SNAPC2: variants seen among roughly 807,000 people sequenced by gnomAD.
SNAPC2 encodes small nuclear RNA activating complex polypeptide 2, also known as snRNA-activating protein complex subunit 2.
A neutral mutation model predicts 22.9 loss-of-function variants in SNAPC2; 27 were observed. The observed-to-expected ratio is 1.18, with a 90% CI of 0.87 to 1.63. The LOEUF (loss-of-function observed/expected upper bound fraction) is 1.63, where lower values mean the gene tolerates loss of function less well. SNAPC2 is among the 40% of genes most tolerant of loss of function. The pLI is 0.00. For synonymous variants in SNAPC2, 272 were observed against 201.0 expected (o/e 1.35, Z -2.99); for missense variants, 570 against 449.1 (o/e 1.27, Z -2.43).
Position 7,921,456 on chromosome 19 carries a change from G to T in SNAPC2, c.217G>T (p.Val73Leu), listed in dbSNP as rs756712313. The change falls in exon 2 of 5, where the codon GTA (valine) becomes TTA (leucine). Residue 73 changes from valine to leucine, a missense_variant. Coordinates refer to ENST00000221573, the MANE Select transcript of SNAPC2 (RefSeq NM_003083.4). The stretch of plus-strand genomic sequence containing the variant: ...CTTCCTCCAGCAGCTCAAGGGCCGC[G>T]TAGCCCGGGAGGCCATTCAGAAAGT... ...RVFLQQLKGR[V>L]AREAIQKVHP... 7 of 1,613,870 alleles carry T rather than the reference G, an allele frequency of 4.3e-6. No homozygotes were observed. In the South Asian group the frequency reaches 6.6e-5, roughly 15 times the overall value.
In SNAPC2 at chr19:7,922,096, C is replaced by T. The variant is rs1489093808; in HGVS notation, c.434C>T (p.Thr145Met). ...CTGCACTCCAAGCCCCCCAAGCCCA[C>T]GCAGGCCCGTGGAAAGCCTTTGCTC... ...TLLHSKPPKP[T>M]QARGKPLLLS... The change falls in exon 4 of 5, where the codon ACG (threonine) becomes ATG (methionine). Residue 145 changes from threonine to methionine, a missense_variant. Coordinates refer to ENST00000221573, the MANE Select transcript of SNAPC2 (RefSeq NM_003083.4). The T allele has an allele frequency of 9.3e-6, 15 of 1,613,904 alleles. No individual in the cohort carries two copies. Among genetic ancestry groups the T allele is most frequent in the Non-Finnish European group, 1.3e-5 (15 of 1,179,918 alleles).
chr19:7,920,595 G>C (rs1175822839), intron 1 of SNAPC2, 46 bp downstream of exon 1: 9 of 1,048,632 alleles, frequency 8.6e-6, no homozygotes, highest in Non-Finnish European at 9.0e-6. Flanking sequence ...AGGCGGGGCT[G>C]GGGTGGGGCG....
In SNAPC2 at chr19:7,922,426, C is replaced by T; in HGVS notation, c.686-19C>T. 1 of 1,581,070 alleles carries T rather than the reference C, an allele frequency of 6.3e-7. No homozygotes were observed. The highest frequency in any genetic ancestry group is 8.6e-7 in the Non-Finnish European group (1 of 1,161,590). On this transcript the variant is annotated intron_variant, in intron 4 of 4. Coordinates refer to ENST00000221573, the MANE Select transcript of SNAPC2 (RefSeq NM_003083.4). ...CAGGCAGGGGTGTCCCCTTACCCCT[C>T]TCCTCCATCCATCACTAGAGTCCGC...
chr19:7,922,859 G>A lies in SNAPC2; in HGVS notation c.*95G>A. Reference sequence around the variant, plus strand: ...GCTCTTTCTGAGGATCCCGTCATGGGGGAAGGTCCTTGAGATGATGCTCAG... The same window carrying A: ...GCTCTTTCTGAGGATCCCGTCATGGAGGAAGGTCCTTGAGATGATGCTCAG... On this transcript the variant is annotated 3_prime_UTR_variant, in exon 5 of 5. Transcript: ENST00000221573. 2 of 1,004,550 alleles carry A rather than the reference G, an allele frequency of 2.0e-6. No homozygotes were observed. The highest frequency in any genetic ancestry group is 2.9e-6 in the Non-Finnish European group (2 of 683,748). The allele number at this position is 1,004,550 out of a possible 1,614,324, so 62.2% of individuals were successfully genotyped here.
At position 7,921,780 on chromosome 19, in the gene SNAPC2, C is replaced by A. The variant is rs562827802; in HGVS notation, c.372+7C>A. On this transcript the variant is annotated splice_region_variant and intron_variant, in intron 3 of 4. Coordinates refer to ENST00000221573, the MANE Select transcript of SNAPC2 (RefSeq NM_003083.4). ...GGCAGTGGCTTTCTCGCAGGTACCG[C>A]CATTCCCCCAGGCAGGTCAGGGTGT... 1.9e-5 allele frequency: 30 copies of A among 1,611,636 alleles called. No homozygotes were observed. In the Middle Eastern group the frequency reaches 6.6e-4, roughly 35 times the overall value.
chr19:7,922,374 A>G, intron 4 of SNAPC2, 27 bp downstream of exon 4: 1 of 1,604,310 alleles, frequency 6.2e-7, no homozygotes, highest in Non-Finnish European at 8.5e-7. Flanking sequence ...AGGGGGCAGG[A>G]GCAGAGGGAT....
chr19:7,921,583 C>G, intron 2 of SNAPC2, 41 bp downstream of exon 2: 1 of 1,603,974 alleles, frequency 6.2e-7, no homozygotes, highest in Non-Finnish European at 8.5e-7. Flanking sequence ...AGGGCAGGTC[C>G]CTGGTGGGTA....
In SNAPC2 at chr19:7,922,851, C is replaced by T. The variant is rs960606024; in HGVS notation, c.*87C>T. On this transcript the variant is annotated 3_prime_UTR_variant, in exon 5 of 5. Coordinates refer to ENST00000221573, the MANE Select transcript of SNAPC2 (RefSeq NM_003083.4). ...TGGCCCTGGCTCTTTCTGAGGATCC[C>T]GTCATGGGGGAAGGTCCTTGAGATG... The T allele has an allele frequency of 6.6e-6, 7 of 1,066,152 alleles. No homozygotes were observed. The highest frequency in any genetic ancestry group is 4.7e-5 in the Admixed American group (2 of 42,724). 66.0% of individuals were successfully genotyped at this position (1,066,152 alleles called of 1,614,324 possible).
intron 1 of SNAPC2, chr19:7,920,997 G>C (rs940722230): frequency 1.8e-6 from 2 of 1,134,808 alleles, no homozygotes; most frequent in African/African-American, 3.3e-5. Flanking sequence ...TTAAAGGCGG[G>C]GCGAGCCTCG....
chr19:7,921,715 A>T lies in SNAPC2; in HGVS notation c.314A>T (p.Asp105Val), dbSNP rs190413008. 4.8e-4 allele frequency: 770 copies of T among 1,613,706 alleles called. 16 individuals carry two copies. The Admixed American group carries it at 0.013, about 26-fold the overall frequency. ...TCTGGCTTCACTCAGGTCTGGACGG[A>T]TCTGGCTGAGAAGATAACAGGGCCA... is the stretch of plus-strand genomic sequence containing the variant. ...QPPAPIEVWT[D>V]LAEKITGPLE... The change falls in exon 3 of 5, where the codon GAT (aspartate) becomes GTT (valine). Residue 105 changes from aspartate to valine, a missense_variant. Asp to Val is a radical substitution (Grantham distance 152). Transcript: ENST00000221573.
In SNAPC2 at chr19:7,921,153, G is replaced by A. The variant is rs945733242; in HGVS notation, c.184-270G>A. 214 of 1,380,352 alleles carry A rather than the reference G, an allele frequency of 1.6e-4. 1 individual carries two copies. Among genetic ancestry groups the A allele is most frequent in the Admixed American group, 6.5e-5 (2 of 30,866 alleles). 85.5% of individuals were successfully genotyped at this position (1,380,352 alleles called of 1,614,324 possible). On this transcript the variant is annotated intron_variant, in intron 1 of 4. Transcript: ENST00000221573. ...GAATAGAGAAGAGGGGACGAAGAAG[G>A]GAGTTGAACGGGGTAGTAGTCAGCA...
chr19:7,921,386 CAT>C, intron 1 of SNAPC2, 35 bp from the exon 2 acceptor site: 2 of 1,613,550 alleles, frequency 1.2e-6, no homozygotes, highest in Non-Finnish European at 1.7e-6. Flanking sequence ...GCCCTGAGCT[CAT>C]AGAAGCCTCA....
At chr19:7,921,987 G>A in intron 3 of SNAPC2, 48 bp from the exon 4 acceptor site, 1 of 1,562,790 alleles carries the variant, frequency 6.4e-7, no homozygotes, top group Non-Finnish European at 8.7e-7. Context: ...TGTAGACGGT[G>A]AGAAGACTTC....
chr19:7,920,432 G>C lies in SNAPC2; in HGVS notation c.66G>C (p.Ala22=). ...ARYLGEVTGP[A]TWSAREKRQL... is the part of the protein sequence containing the mutation. ...ATCTGGGCGAGGTGACCGGTCCCGCGACCTGGAGCGCTCGCGAGAAGCGGC... is the reference window on the plus strand; with the variant it reads ...ATCTGGGCGAGGTGACCGGTCCCGCCACCTGGAGCGCTCGCGAGAAGCGGC... The change falls in exon 1 of 5, where the codon GCG becomes GCC. Residue 22 remains alanine (A), a synonymous_variant. Coordinates refer to ENST00000221573, the MANE Select transcript of SNAPC2 (RefSeq NM_003083.4). 1.9e-6 allele frequency: 3 copies of C among 1,572,928 alleles called. No homozygotes were observed. The highest frequency in any genetic ancestry group is 2.6e-6 in the Non-Finnish European group (3 of 1,168,086).
intron 1 of SNAPC2, 68 bp downstream of exon 1, chr19:7,920,617 G>T: frequency 1.2e-6 from 1 of 835,062 alleles, no homozygotes; most frequent in Non-Finnish European, 1.7e-6. Context: ...AGAGTGGGCG[G>T]GGCTGCGGCA....
intron 3 of SNAPC2, 90 bp from the exon 4 acceptor site, chr19:7,921,945 C>T (rs111919239): frequency 2.1e-6 from 3 of 1,444,626 alleles, no homozygotes; most frequent in Admixed American, 3.7e-5. Context: ...GTCTGAGGAG[C>T]ATCTTAGGGT....
chr19:7,921,708 T>G lies in SNAPC2; in HGVS notation c.307T>G (p.Trp103Gly). Residue 103 changes from tryptophan to glycine, a missense_variant, in exon 3 of 5, where the codon TGG becomes GGG. Coordinates refer to ENST00000221573, the MANE Select transcript of SNAPC2 (RefSeq NM_003083.4). ...CTGTACCTCTGGCTTCACTCAGGTC[T>G]GGACGGATCTGGCTGAGAAGATAAC... ...EAQPPAPIEV[W>G]TDLAEKITGP... 1 of 1,613,740 alleles carries G rather than the reference T, an allele frequency of 6.2e-7. No individual in the cohort carries two copies. Among genetic ancestry groups the G allele is most frequent in the Non-Finnish European group, 8.5e-7 (1 of 1,179,850 alleles).
Position 7,922,795 on chromosome 19 carries a change from C to G in SNAPC2, c.*31C>G. On this transcript the variant is annotated 3_prime_UTR_variant, in exon 5 of 5. Transcript: ENST00000221573. ...ATGGCGGGCAGGAGGCCACACCAGG[C>G]CCCCCGCCCTGCCCCTCGGTTCTGC... 2 of 1,494,038 alleles carry G rather than the reference C, an allele frequency of 1.3e-6. No individual in the cohort carries two copies. Among genetic ancestry groups the G allele is most frequent in the African/African-American group, 1.4e-5 (1 of 71,542 alleles). The allele number at this position is 1,494,038 out of a possible 1,614,324, so 92.5% of individuals were successfully genotyped here.
At chr19:7,921,938 TGAG>T in intron 3 of SNAPC2, 94 bp from the exon 4 acceptor site, 1 of 1,438,724 alleles carries the variant, frequency 7.0e-7, no homozygotes, top group Non-Finnish European at 9.6e-7. Context: ...ATCTCTTGTC[TGAG>T]GAGCATCTTA....
Sources: allele counts gnomAD v4.1 joint callset, GRCh38; gene constraint gnomAD v4.1.1; transcripts MANE v1.5; gene names NCBI Gene and HGNC (gene_info 2026-07-23, HGNC 2026-07-21).